The following RBFOX2 variants were observed in gnomAD, a reference collection of about 807,000 sequenced individuals.
The protein encoded by RBFOX2 is RNA binding protein fox-1 homolog 2.
A neutral mutation model predicts 49.1 loss-of-function variants in RBFOX2; 10 were observed. The ratio of observed to expected loss-of-function variants is 0.20; its 90% CI spans 0.13 to 0.35. RBFOX2 has a LOEUF of 0.35. Ranked by LOEUF, RBFOX2 falls within the 10% of genes least tolerant of loss-of-function variation. The probability of loss-of-function intolerance (pLI) is 1.00; values close to 1 mark genes in which losing one functional copy is unlikely to be tolerated. For synonymous variants in RBFOX2, 183 were observed against 187.4 expected, an observed-to-expected ratio of 0.98 and a Z score of 0.19; for missense variants, 323 against 486.9, an observed-to-expected ratio of 0.66 and a Z score of 3.17.
intron 1 of RBFOX2, among the ~76,000 whole-genome samples, chr22:35,811,447 A>AG (rs938710950): frequency 6.6e-6 from 1 of 152,226 alleles, no homozygotes; most frequent in African/African-American, 2.4e-5. Context: ...GTGAAGACAC[A>AG]GAGCATGACC....
intron 1 of RBFOX2, among the ~76,000 whole-genome samples, chr22:35,903,936 C>T (rs1169600167): frequency 1.4e-5 from 2 of 139,738 alleles, no homozygotes; most frequent in Admixed American, 6.7e-5. Flanking sequence ...CACGGCATCA[C>T]ATTACATTTT....
chr22:35,838,345 C>T, intron 1 of RBFOX2, among the ~76,000 whole-genome samples: 1 of 150,168 alleles, frequency 6.7e-6, no homozygotes, highest in Non-Finnish European at 1.5e-5. Context: ...CACAAATAAA[C>T]ACAGAAATAG....
intron 1 of RBFOX2, among the ~76,000 whole-genome samples, chr22:35,894,660 C>G (rs5755979): frequency 1.3e-5 from 2 of 151,934 alleles, no homozygotes; most frequent in Non-Finnish European, 2.9e-5. Flanking sequence ...TCACAATCAC[C>G]GCTAGGTTTT....
At chr22:35,842,301 C>T (rs147645949), upstream of RBFOX2, among the ~76,000 whole-genome samples, 1 of 152,214 alleles carries the variant, frequency 6.6e-6, no homozygotes, top group African/African-American at 2.4e-5. Flanking sequence ...ATGAGATCTT[C>T]AAATATTAGG....
chr22:35,791,628 T>C (rs1385064480), intron 2 of RBFOX2, among the ~76,000 whole-genome samples: 4 of 152,236 alleles, frequency 2.6e-5, no homozygotes, highest in Non-Finnish European at 4.4e-5. Context: ...CTAACATTAC[T>C]ATTAATCCAT....
chr22:35,836,000 G>A (rs563186232), intron 1 of RBFOX2, among the ~76,000 whole-genome samples: 1 of 151,298 alleles, frequency 6.6e-6, no homozygotes, highest in African/African-American at 2.4e-5. Context: ...CACAATCCCC[G>A]CCTATCCTCC....
At chr22:35,897,437 C>T (rs1352819090) in intron 1 of RBFOX2, 10 of 854,402 alleles carry the variant, frequency 1.2e-5, no homozygotes, top group African/African-American at 8.3e-5. Context: ...TGTGAATACG[C>T]TCCACTTTAT....
chr22:35,829,196 TCA>T (rs1442108742), intron 1 of RBFOX2, among the ~76,000 whole-genome samples: 1 of 152,108 alleles, frequency 6.6e-6, no homozygotes, highest in Non-Finnish European at 1.5e-5. Context: ...AAGATAAAAT[TCA>T]CAATGTATGG....
chr22:35,818,538 C>A (rs547544202), intron 1 of RBFOX2, among the ~76,000 whole-genome samples: 83 of 152,290 alleles, frequency 5.5e-4, no homozygotes, highest in African/African-American at 2.0e-3. Flanking sequence ...AATCCCAGCA[C>A]TTTGGAAGGC....
At chr22:35,822,313 T>C (rs1315989167) in intron 1 of RBFOX2, among the ~76,000 whole-genome samples, 1 of 152,232 alleles carries the variant, frequency 6.6e-6, no homozygotes, top group Non-Finnish European at 1.5e-5. Context: ...CATTCTCTAA[T>C]TGTTTGCTCT....
At chr22:35,921,484 T>C (rs1218137097) in intron 1 of RBFOX2, among the ~76,000 whole-genome samples, 2 of 152,240 alleles carry the variant, frequency 1.3e-5, no homozygotes, top group Non-Finnish European at 2.9e-5. Flanking sequence ...GATACTGCTC[T>C]AGGCAATAAG....
chr22:35,913,751 C>G (rs986377186), intron 1 of RBFOX2, among the ~76,000 whole-genome samples: 1 of 151,766 alleles, frequency 6.6e-6, no homozygotes, highest in Admixed American at 6.6e-5. Context: ...ATTTTTTAAC[C>G]TAATCAAAAT....
chr22:35,841,540 G>A (rs1047277037), upstream of RBFOX2, among the ~76,000 whole-genome samples: 1 of 151,890 alleles, frequency 6.6e-6, no homozygotes, highest in Non-Finnish European at 1.5e-5. Flanking sequence ...TTTATAAAAT[G>A]ATGAGTTTAT....
In RBFOX2 at chr22:35,751,414, C is replaced by T. The variant is rs937585144; in HGVS notation, c.888-4853G>A. Among the ~76,000 whole-genome samples, 5 of 151,768 alleles carry T rather than the reference C, an allele frequency of 3.3e-5. No homozygotes were observed. In the South Asian group the frequency reaches 1.0e-3, roughly 32 times the overall value. Reference sequence around the variant, plus strand: ...AATAGAGCAGAGGGTTGGGGGATGGCGGCAGGGGGTGGGTAAGGAATGGCA... The same window carrying T: ...AATAGAGCAGAGGGTTGGGGGATGGTGGCAGGGGGTGGGTAAGGAATGGCA... On this transcript the variant is annotated intron_variant, in intron 9 of 11. Coordinates refer to ENST00000405409, the Ensembl canonical transcript of RBFOX2.
chr22:35,759,967 C>T lies in RBFOX2; in HGVS notation c.808G>A (p.Ala270Thr), dbSNP rs138576861. ...GTCCGCCCTCTGCCCCTCAAATGGG[C>T]TCCTCTGAAAGCGGCTGCCGTGGTG... The change falls in exon 9 of 12, where the codon GCC becomes ACC. Residue 270 changes from alanine (A) to threonine (T), a missense_variant. Ala to Thr is a moderately conservative substitution (Grantham distance 58). Transcript: ENST00000405409. This position sits in a 1 kb window ranked among gnomAD's most constrained non-coding sequence, Gnocchi z 4.6. 6.2e-7 allele frequency: 1 copy of T among 1,613,768 alleles called. No homozygotes were observed. Among genetic ancestry groups the T allele is most frequent in the African/African-American group, 1.3e-5 (1 of 74,904 alleles).
At chr22:35,750,403 T>A (rs542324748) in intron 9 of RBFOX2, 3 of 1,558,590 alleles carry the variant, frequency 1.9e-6, no homozygotes, top group South Asian at 1.1e-5. Context: ...AAAAAGGACA[T>A]ATGTATTTAC....
chr22:35,964,842 T>G (rs1357690824), upstream of RBFOX2, among the ~76,000 whole-genome samples: 1 of 152,222 alleles, frequency 6.6e-6, no homozygotes, highest in African/African-American at 2.4e-5. Flanking sequence ...ATATCCTTTT[T>G]TACTCGGAAA....
At position 35,761,479 on chromosome 22, in the gene RBFOX2, C is replaced by T. The variant is rs768393320; in HGVS notation, c.608-11G>A. The T allele has an allele frequency of 1.9e-6, 3 of 1,613,846 alleles. No individual in the cohort carries two copies. Among genetic ancestry groups the T allele is most frequent in the East Asian group, 4.5e-5 (2 of 44,880 alleles). On this transcript the variant is annotated splice_polypyrimidine_tract_variant and intron_variant, in intron 6 of 11. Coordinates refer to ENST00000405409, the Ensembl canonical transcript of RBFOX2. ...GGCTTAATTTCCAACCTGAAACACACAAAATGGAAGGTAAGCATTTAAGAC... is the reference window on the plus strand; with the variant it reads ...GGCTTAATTTCCAACCTGAAACACATAAAATGGAAGGTAAGCATTTAAGAC...
chr22:36,007,076 T>A (rs967164265), intron 1 of RBFOX2, among the ~76,000 whole-genome samples: 1 of 152,232 alleles, frequency 6.6e-6, no homozygotes, highest in Non-Finnish European at 1.5e-5. Context: ...CTCATTTTGC[T>A]TCTTCTCAAT....
Sources: allele counts gnomAD v4.1 joint callset (sites outside exome capture counted in the v4.1 genomes callset), GRCh38; gene constraint gnomAD v4.1.1; non-coding constraint Gnocchi (gnomAD v3.1); transcripts MANE v1.5; gene names NCBI Gene and HGNC (gene_info 2026-07-23, HGNC 2026-07-21).